MYO9A: variants seen among roughly 807,000 people sequenced by gnomAD.
MYO9A encodes myosin IXA, also known as unconventional myosin-IXa.
Under a neutral mutation model 293.3 loss-of-function variants are expected in MYO9A, and 103 were observed. That is an observed-to-expected ratio of 0.35 (90% confidence interval 0.30 to 0.41). The LOEUF (loss-of-function observed/expected upper bound fraction) is 0.41. Ranked by LOEUF, MYO9A falls within the 10% of genes least tolerant of loss-of-function variation. MYO9A has a pLI of 1.00. For synonymous variants in MYO9A, 1,001 were observed against 1,035.7 expected, an observed-to-expected ratio of 0.97 and a Z score of 0.64; for missense variants, 2,685 against 3,033.0, an observed-to-expected ratio of 0.89 and a Z score of 2.69.
At chr15:71,974,042 C>T (rs904576760) in intron 12 of MYO9A, among the ~76,000 whole-genome samples, 12 of 152,056 alleles carry the variant, frequency 7.9e-5, no homozygotes, top group Admixed American at 7.2e-4. Flanking sequence ...GAATAGTCAC[C>T]GACTCTGAAG....
At chr15:71,827,777 C>T in intron 41 of MYO9A, 107 bp downstream of exon 41, 2 of 1,244,910 alleles carry the variant, frequency 1.6e-6, no homozygotes, top group Non-Finnish European at 2.2e-6. Context: ...TTTGTTATTG[C>T]TGATGTACAG....
intron 6 of MYO9A, among the ~76,000 whole-genome samples, chr15:72,011,355 A>G (rs1234513649): frequency 6.6e-6 from 1 of 150,894 alleles, no homozygotes; most frequent in Admixed American, 6.6e-5. Flanking sequence ...TTATTTATAT[A>G]TTTTATATAT....
rs60291999 is a variant in MYO9A at position 72,098,945 on chromosome 15, T to TA, written c.-72+18734dup. 7.8e-3 allele frequency among the ~76,000 whole-genome samples: 1,137 copies of TA among 144,948 alleles called. 11 individuals are homozygous for TA. The highest frequency in any genetic ancestry group is 0.021 in the African/African-American group (828 of 39,696). ...GGCCATCAAAGCCAGAAGTTGTATT[T>TA]AAAAAAAAAAACAACTATAAATTGG... is the stretch of plus-strand genomic sequence containing the variant. On this transcript the variant is annotated intron_variant, in intron 1 of 41. Transcript: ENST00000356056.
intron 17 of MYO9A, among the ~76,000 whole-genome samples, chr15:71,934,536 G>A (rs34310964): frequency 0.016 from 2,482 of 151,890 alleles, 33 homozygotes; most frequent in Non-Finnish European, 0.026. Flanking sequence ...TCTAGCTAGC[G>A]GTCAAACGAT....
chr15:72,008,489 G>GGTGTGTGTGT (rs111259580), intron 7 of MYO9A, among the ~76,000 whole-genome samples: 1 of 139,878 alleles, frequency 7.1e-6, no homozygotes, highest in Non-Finnish European at 1.6e-5. Context: ...GGGGTAAATG[G>GGTGTGTGTGT]GTGTGTGTGT....
At chr15:72,072,899 T>A (rs1184298189) in intron 1 of MYO9A, among the ~76,000 whole-genome samples, 3 of 151,938 alleles carry the variant, frequency 2.0e-5, no homozygotes, top group Non-Finnish European at 4.4e-5. Flanking sequence ...ATCTAAAATT[T>A]AAAATAAAAA....
intron 1 of MYO9A, among the ~76,000 whole-genome samples, chr15:72,089,435 T>C (rs1379580034): frequency 6.6e-6 from 1 of 152,132 alleles, no homozygotes; most frequent in South Asian, 2.1e-4. Flanking sequence ...GTGCTAGGAC[T>C]GCAGGCATCA....
chr15:71,827,893 C>T lies in MYO9A; in HGVS notation c.7174G>A (p.Glu2392Lys), dbSNP rs1425587370. Reference sequence around the variant, plus strand: ...TACCATGTTCACTTACCTGATTTCTCAGAGATAGCATATTCAGACTCCATA... The same window carrying T: ...TACCATGTTCACTTACCTGATTTCTTAGAGATAGCATATTCAGACTCCATA... ...LNMESEYAISEKSERSLALSS... is the reference protein window; with the variant it reads ...LNMESEYAISKKSERSLALSS... The change falls in exon 41 of 42, where the codon GAG becomes AAG. Residue 2392 changes from glutamate to lysine, a missense_variant. Glu to Lys is a moderately conservative substitution (Grantham distance 56, BLOSUM62 1). Coordinates refer to ENST00000356056, the MANE Select transcript of MYO9A (RefSeq NM_006901.4). The T allele has an allele frequency of 1.9e-6, 3 of 1,612,582 alleles. No individual in the cohort carries two copies. The highest frequency in any genetic ancestry group is 1.7e-6 in the Non-Finnish European group (2 of 1,179,474).
chr15:72,115,658 A>C (rs368609949), intron 1 of MYO9A, among the ~76,000 whole-genome samples: 4 of 152,196 alleles, frequency 2.6e-5, no homozygotes, highest in Admixed American at 6.5e-5. Context: ...TTAAAATGCA[A>C]ATCTGATCAT....
chr15:71,830,374 T>G (rs1419166704), intron 39 of MYO9A, 63 bp from the exon 40 acceptor site: 3 of 1,472,486 alleles, frequency 2.0e-6, no homozygotes, highest in Non-Finnish European at 2.8e-6. Context: ...ACATTGCTCT[T>G]TTAGGATAAC....
chr15:71,985,725 G>A (rs1352111613), intron 11 of MYO9A, among the ~76,000 whole-genome samples: 1 of 152,150 alleles, frequency 6.6e-6, no homozygotes, highest in African/African-American at 2.4e-5. Flanking sequence ...CTTTCTTATA[G>A]TCTAGGCCCT....
chr15:72,000,678 C>CA (rs2076838331), intron 8 of MYO9A, among the ~76,000 whole-genome samples: 1 of 152,058 alleles, frequency 6.6e-6, no homozygotes, highest in South Asian at 2.1e-4. Context: ...TTCACTCTGC[C>CA]ATTCAGGCTG....
intron 1 of MYO9A, among the ~76,000 whole-genome samples, chr15:72,074,441 A>C (rs1283681850): frequency 2.0e-5 from 3 of 152,194 alleles, no homozygotes; most frequent in African/African-American, 4.8e-5. Context: ...ACAACAACAA[A>C]AAACAATTCC....
At chr15:71,851,129 A>T (rs2055629825) in intron 37 of MYO9A, 124 bp downstream of exon 37, 2 of 749,026 alleles carry the variant, frequency 2.7e-6, no homozygotes. Flanking sequence ...TGTTTGAGAC[A>T]CTGACTTTAT....
intron 11 of MYO9A, among the ~76,000 whole-genome samples, chr15:71,983,400 CTT>C (rs2076323781): frequency 6.7e-6 from 1 of 148,794 alleles, no homozygotes; most frequent in Non-Finnish European, 1.5e-5. Context: ...TTACTCCTAA[CTT>C]ATATGCTATT....
At chr15:72,011,457 A>G (rs1285105497) in intron 6 of MYO9A, among the ~76,000 whole-genome samples, 2 of 152,076 alleles carry the variant, frequency 1.3e-5, no homozygotes, top group Non-Finnish European at 2.9e-5. Context: ...CTCAGAAAAC[A>G]CATCAGATGA....
At chr15:72,081,831 G>A (rs754451648) in intron 1 of MYO9A, among the ~76,000 whole-genome samples, 9 of 152,126 alleles carry the variant, frequency 5.9e-5, no homozygotes, top group Non-Finnish European at 1.2e-4. Flanking sequence ...TGTCAGCTTT[G>A]TTGAAGGTCA....
At chr15:71,895,053 C>T (rs1305643541) in intron 25 of MYO9A, among the ~76,000 whole-genome samples, 1 of 152,134 alleles carries the variant, frequency 6.6e-6, no homozygotes, top group East Asian at 1.9e-4. Flanking sequence ...TTATCTTGCC[C>T]TTTGCCTCTA....
At chr15:71,939,088 G>T in intron 15 of MYO9A, 161 bp from the exon 16 acceptor site, 4 of 532,358 alleles carry the variant, frequency 7.5e-6, no homozygotes, top group Non-Finnish European at 1.3e-5. Flanking sequence ...AACTGTCATA[G>T]ATCTTAGTTA....
Sources: allele counts gnomAD v4.1 joint callset (sites outside exome capture counted in the v4.1 genomes callset), GRCh38; gene constraint gnomAD v4.1.1; transcripts MANE v1.5; gene names NCBI Gene and HGNC (gene_info 2026-07-23, HGNC 2026-07-21).